SLC25A13: variants seen among roughly 807,000 people sequenced by gnomAD.
SLC25A13 encodes solute carrier family 25 member 13.
SLC25A13 carries 70 observed loss-of-function variants against 85.5 expected under a neutral mutation model. That is an observed-to-expected ratio of 0.82 (90% CI 0.68 to 1.00). The LOEUF is 1.00. Ranked by LOEUF, SLC25A13 falls within the 50% of genes least tolerant of loss-of-function variation. The pLI is 0.00. For synonymous variants in SLC25A13, 259 were observed against 288.7 expected (o/e 0.90, Z 1.04); for missense variants, 765 against 819.8 (o/e 0.93, Z 0.82).
intron 2 of SLC25A13, among the ~76,000 whole-genome samples, chr7:96,277,798 T>TAA (rs5885954): frequency 6.8e-6 from 1 of 147,016 alleles, no homozygotes. Context: ...CATAGCTTTT[T>TAA]AAAAAAAAAA....
intron 1 of SLC25A13, among the ~76,000 whole-genome samples, chr7:96,300,955 G>A (rs1314656943): frequency 1.3e-5 from 2 of 152,080 alleles, no homozygotes; most frequent in Non-Finnish European, 2.9e-5. Flanking sequence ...TGTTTTAAGT[G>A]TCATTTGCTA....
At position 96,302,137 on chromosome 7, in the gene SLC25A13, G is replaced by A. The variant is rs551989578; in HGVS notation, c.16-5186C>T. ...TATAATTGTGTAAGTCATCAATAGC[G>A]TTTGCAAAACACATACTAGGTAGGT... On this transcript the variant is annotated intron_variant, in intron 1 of 17. Coordinates refer to ENST00000265631, the MANE Select transcript of SLC25A13 (RefSeq NM_014251.3). Among the ~76,000 whole-genome samples, 37 of 152,200 alleles carry A rather than the reference G, an allele frequency of 2.4e-4. No homozygotes were observed. The South Asian group carries it at 5.8e-3, about 24-fold the overall frequency.
At chr7:96,315,727 A>C (rs1338192660) in intron 1 of SLC25A13, among the ~76,000 whole-genome samples, 2 of 152,194 alleles carry the variant, frequency 1.3e-5, no homozygotes, top group Non-Finnish European at 1.5e-5. Context: ...CATTCCTAGC[A>C]CAAAAACTGA....
chr7:96,248,778 T>C (rs1797303995), intron 3 of SLC25A13, among the ~76,000 whole-genome samples: 1 of 152,214 alleles, frequency 6.6e-6, no homozygotes, highest in Non-Finnish European at 1.5e-5. Context: ...AGAAACAAAT[T>C]GACAGCAAGG....
At chr7:96,159,353 C>A (rs925660448) in intron 13 of SLC25A13, among the ~76,000 whole-genome samples, 3 of 152,140 alleles carry the variant, frequency 2.0e-5, no homozygotes, top group African/African-American at 7.2e-5. Context: ...GACTTACGGC[C>A]TTTTAAGAGG....
chr7:96,208,569 G>C (rs868240029), intron 5 of SLC25A13, among the ~76,000 whole-genome samples: 2 of 149,804 alleles, frequency 1.3e-5, no homozygotes, highest in Non-Finnish European at 3.0e-5. Flanking sequence ...GCAGTGGTGC[G>C]ATCTCAGCTC....
intron 13 of SLC25A13, among the ~76,000 whole-genome samples, chr7:96,164,026 G>A (rs2116551870): frequency 6.6e-6 from 1 of 152,258 alleles, no homozygotes; most frequent in African/African-American, 2.4e-5. Context: ...AATCAGGCAA[G>A]GTAACTGTGG....
At chr7:96,281,528 T>C (rs1243838539) in intron 2 of SLC25A13, among the ~76,000 whole-genome samples, 1 of 151,968 alleles carries the variant, frequency 6.6e-6, no homozygotes, top group African/African-American at 2.4e-5. Flanking sequence ...CAGGCAAAAC[T>C]TACATACAGT....
intron 1 of SLC25A13, among the ~76,000 whole-genome samples, chr7:96,302,503 G>A (rs1041304804): frequency 1.3e-5 from 2 of 152,082 alleles, no homozygotes; most frequent in Admixed American, 6.6e-5. Flanking sequence ...AAACCTACAC[G>A]AAAATAAGAA....
chr7:96,285,837 T>C (rs1798864927), intron 2 of SLC25A13, among the ~76,000 whole-genome samples: 1 of 152,140 alleles, frequency 6.6e-6, no homozygotes, highest in African/African-American at 2.4e-5. Context: ...TACACATCTG[T>C]TTAAACTAAC....
At chr7:96,239,037 T>TTTTATA (rs1459741290) in intron 3 of SLC25A13, among the ~76,000 whole-genome samples, 2 of 130,904 alleles carry the variant, frequency 1.5e-5, no homozygotes, top group African/African-American at 6.0e-5. Flanking sequence ...ACTATATATT[T>TTTTATA]TATATATATA....
Position 96,235,481 on chromosome 7 carries a change from G to T in SLC25A13, c.213-564C>A, listed in dbSNP as rs566842164. On this transcript the variant is annotated intron_variant, in intron 3 of 17. Coordinates refer to ENST00000265631, the MANE Select transcript of SLC25A13 (RefSeq NM_014251.3). ...ACAGCACTGGTCTAGAAACAGACTA[G>T]TGTATAGAGGAAGGACAAATCATAA... is the stretch of plus-strand genomic sequence containing the variant. 5.3e-5 allele frequency among the ~76,000 whole-genome samples: 8 copies of T among 152,318 alleles called. No homozygotes were observed. The East Asian group carries it at 1.5e-3, about 29-fold the overall frequency.
intron 9 of SLC25A13, 76 bp from the exon 10 acceptor site, chr7:96,185,087 ATT>A: frequency 8.4e-7 from 1 of 1,192,316 alleles, no homozygotes; most frequent in Non-Finnish European, 1.2e-6. Context: ...ATGACCATAC[ATT>A]AACTTTAAAC....
chr7:96,226,634 C>G (rs1421499741), intron 4 of SLC25A13, among the ~76,000 whole-genome samples: 1 of 150,554 alleles, frequency 6.6e-6, no homozygotes, highest in Non-Finnish European at 1.5e-5. Context: ...GTTTGCCACC[C>G]GTGATCTAGT....
intron 9 of SLC25A13, among the ~76,000 whole-genome samples, chr7:96,187,442 CTA>C (rs1337574123): frequency 1.3e-5 from 2 of 152,146 alleles, no homozygotes; most frequent in East Asian, 1.9e-4. Flanking sequence ...TTTGCAAATT[CTA>C]TGAGTTGTTT....
intron 1 of SLC25A13, among the ~76,000 whole-genome samples, chr7:96,315,393 C>G (rs940023016): frequency 6.6e-6 from 1 of 152,198 alleles, no homozygotes; most frequent in Admixed American, 6.5e-5. Context: ...GAGGGAGACC[C>G]AGGCATCAGC....
intron 13 of SLC25A13, among the ~76,000 whole-genome samples, chr7:96,157,730 G>C (rs147758531): frequency 6.6e-6 from 1 of 152,248 alleles, no homozygotes; most frequent in African/African-American, 2.4e-5. Flanking sequence ...GAACCCAGGA[G>C]GCGGAGGTTA....
intron 5 of SLC25A13, among the ~76,000 whole-genome samples, chr7:96,194,673 C>T (rs576805347): frequency 3.0e-4 from 45 of 152,126 alleles, no homozygotes; most frequent in Middle Eastern, 3.4e-3. Context: ...TTAAAGTACT[C>T]GATCTTCCTT....
intron 1 of SLC25A13, among the ~76,000 whole-genome samples, chr7:96,313,406 T>C (rs768932190): frequency 7.9e-5 from 12 of 152,188 alleles, no homozygotes; most frequent in Non-Finnish European, 1.8e-4. Context: ...ATGTGGTATA[T>C]ATCCACCGTG....
Sources: allele counts gnomAD v4.1 joint callset (sites outside exome capture counted in the v4.1 genomes callset), GRCh38; gene constraint gnomAD v4.1.1; transcripts MANE v1.5; gene names NCBI Gene and HGNC (gene_info 2026-07-23, HGNC 2026-07-21).